The following SCFD2 variants were observed in gnomAD, a reference collection of about 807,000 sequenced individuals.
SCFD2 encodes the protein sec1 family domain containing 2.
In SCFD2, 54 loss-of-function variants were observed where a neutral mutation model predicts 58.9. The observed-to-expected ratio is 0.92, with a 90% CI of 0.74 to 1.15. The LOEUF (loss-of-function observed/expected upper bound fraction) is 1.15. SCFD2 is among the 50% of genes most tolerant of loss of function. The pLI, the probability that SCFD2 is intolerant of heterozygous loss-of-function variation, is 0.00. For missense variants in SCFD2, 805 were observed against 836.6 expected, an observed-to-expected ratio of 0.96 and a Z score of 0.47; for synonymous variants, 321 against 335.9, an observed-to-expected ratio of 0.96 and a Z score of 0.49.
chr4:53,247,017 AAAC>A (rs1384507460), intron 4 of SCFD2, among the ~76,000 whole-genome samples: 3 of 149,818 alleles, frequency 2.0e-5, no homozygotes, highest in Admixed American at 1.3e-4. Flanking sequence ...AAAAAACTCC[AAAC>A]AACACCATTA....
chr4:53,037,758 C>T (rs1722801986), intron 5 of SCFD2, among the ~76,000 whole-genome samples: 1 of 152,144 alleles, frequency 6.6e-6, no homozygotes, highest in South Asian at 2.1e-4. Flanking sequence ...ACTATGTTGT[C>T]TCAGATCTGA....
intron 3 of SCFD2, 43 bp downstream of exon 3, chr4:53,313,593 T>A: frequency 6.2e-7 from 1 of 1,612,324 alleles, no homozygotes; most frequent in Non-Finnish European, 8.5e-7. Context: ...CAGGTTTAAA[T>A]AAGCTTCCTC....
chr4:52,972,562 A>G lies in SCFD2; in HGVS notation c.1562-51692T>C, dbSNP rs530208710. Among the ~76,000 whole-genome samples, 3 of 152,290 alleles carry G rather than the reference A, an allele frequency of 2.0e-5. No homozygotes were observed. In the South Asian group the frequency reaches 6.2e-4, roughly 32 times the overall value. On this transcript the variant is annotated intron_variant, in intron 5 of 8. Transcript: ENST00000401642. ...AAGAGACTTAGACTCCCACACAATA[A>G]TAGTGGGAGACTTTAACACCCCACT... is the stretch of plus-strand genomic sequence containing the variant.
intron 2 of SCFD2, among the ~76,000 whole-genome samples, chr4:53,335,552 T>C (rs1733657930): frequency 6.6e-6 from 1 of 152,216 alleles, no homozygotes; most frequent in Admixed American, 6.5e-5. Flanking sequence ...CTGTTAATTT[T>C]TTATTATGAC....
Position 53,366,038 on chromosome 4 carries a change from C to G in SCFD2, c.-97G>C. The G allele has an allele frequency of 1.4e-6, 2 of 1,402,084 alleles. No individual in the cohort carries two copies. The highest frequency in any genetic ancestry group is 2.5e-4 in the Middle Eastern group (1 of 4,014). The allele number at this position is 1,402,084 out of a possible 1,614,324, so 86.9% of individuals were successfully genotyped here. A position where few individuals can be genotyped will look rare whatever the true frequency, so the allele number is the denominator to read the frequency against. On this transcript the variant is annotated 5_prime_UTR_variant, in exon 1 of 9. Coordinates refer to ENST00000401642, the MANE Select transcript of SCFD2 (RefSeq NM_152540.4). ...GGGCTCCGGGAGACTTTGACAGTCTCCACAGTACACGTGGTCGGCCTCTGA... is the reference window on the plus strand; with the variant it reads ...GGGCTCCGGGAGACTTTGACAGTCTGCACAGTACACGTGGTCGGCCTCTGA...
At chr4:53,157,736 C>A (rs13148823) in intron 4 of SCFD2, among the ~76,000 whole-genome samples, 148,587 of 152,272 alleles carry the variant, frequency 0.98, 72,611 homozygotes, top group Middle Eastern at 1. Flanking sequence ...CTAACAGAGT[C>A]AATATCAATA....
intron 1 of SCFD2, among the ~76,000 whole-genome samples, chr4:53,363,844 A>AG (rs34024533): frequency 6.6e-6 from 1 of 151,264 alleles, no homozygotes; most frequent in Non-Finnish European, 1.5e-5. Context: ...AAAAAAAAAA[A>AG]GCATTACCTA....
intron 5 of SCFD2, among the ~76,000 whole-genome samples, chr4:53,012,525 G>T (rs763538874): frequency 1.3e-5 from 2 of 152,042 alleles, no homozygotes; most frequent in South Asian, 4.1e-4. Context: ...CACTCTCATG[G>T]CCTGTTTGAA....
chr4:53,191,225 C>T (rs1727882903), intron 4 of SCFD2, among the ~76,000 whole-genome samples: 2 of 151,994 alleles, frequency 1.3e-5, no homozygotes, highest in Admixed American at 6.5e-5. Flanking sequence ...TGGCAGGTGG[C>T]TGTAATCCCA....
chr4:53,154,755 A>G (rs939863210), intron 4 of SCFD2, among the ~76,000 whole-genome samples: 2 of 152,244 alleles, frequency 1.3e-5, no homozygotes, highest in African/African-American at 4.8e-5. Context: ...TCAGATGGGA[A>G]GATTGCCTAC....
chr4:53,173,297 A>C (rs1015072235), intron 4 of SCFD2, among the ~76,000 whole-genome samples: 17 of 152,194 alleles, frequency 1.1e-4, no homozygotes, highest in African/African-American at 3.9e-4. Flanking sequence ...GATGTGCTCC[A>C]TCATAAGCCA....
At chr4:53,112,059 T>C (rs1725187915) in intron 5 of SCFD2, among the ~76,000 whole-genome samples, 1 of 152,122 alleles carries the variant, frequency 6.6e-6, no homozygotes, top group Non-Finnish European at 1.5e-5. Flanking sequence ...GAAGTTTCAT[T>C]GACCTGTGGA....
At chr4:53,274,501 A>C (rs1250941760) in intron 3 of SCFD2, among the ~76,000 whole-genome samples, 1 of 152,198 alleles carries the variant, frequency 6.6e-6, no homozygotes, top group East Asian at 1.9e-4. Flanking sequence ...TCGTGAGATA[A>C]AAGCAGTTAC....
intron 3 of SCFD2, among the ~76,000 whole-genome samples, chr4:53,304,277 A>G (rs1732440937): frequency 6.6e-6 from 1 of 151,778 alleles, no homozygotes; most frequent in Non-Finnish European, 1.5e-5. Context: ...CTTCATTTCA[A>G]CCTTGGTGAA....
chr4:52,961,020 G>A (rs2109540681), intron 5 of SCFD2, among the ~76,000 whole-genome samples: 1 of 152,268 alleles, frequency 6.6e-6, no homozygotes. Context: ...TGCAGGAGAG[G>A]CTGAGGAGGG....
chr4:53,068,637 C>A (rs1426616820), intron 5 of SCFD2, among the ~76,000 whole-genome samples: 3 of 151,872 alleles, frequency 2.0e-5, no homozygotes, highest in Non-Finnish European at 4.4e-5. Flanking sequence ...AATAGAATAT[C>A]CTGGCCATAT....
intron 5 of SCFD2, among the ~76,000 whole-genome samples, chr4:53,091,635 G>C (rs1415130501): frequency 6.6e-6 from 1 of 151,992 alleles, no homozygotes; most frequent in Admixed American, 6.6e-5. Context: ...ACTTTCAACT[G>C]TTCAAATTCA....
intron 5 of SCFD2, among the ~76,000 whole-genome samples, chr4:52,939,635 A>T (rs1287921727): frequency 1.3e-5 from 2 of 152,198 alleles, no homozygotes; most frequent in African/African-American, 4.8e-5. Flanking sequence ...ACAGACAAGT[A>T]AAGTGGTAAT....
intron 7 of SCFD2, among the ~76,000 whole-genome samples, chr4:52,896,805 C>A (rs1359809744): frequency 2.0e-5 from 3 of 152,124 alleles, no homozygotes; most frequent in Non-Finnish European, 4.4e-5. Flanking sequence ...ATGGACTGTT[C>A]TTCCATTTGT....
Sources: gnomAD v4.1 joint callset for allele counts (sites outside exome capture counted in the v4.1 genomes callset) on GRCh38, gnomAD v4.1.1 for gene constraint, MANE v1.5 for transcripts, NCBI Gene and HGNC (gene_info 2026-07-23, HGNC 2026-07-21) for gene names.